The following CFAP100 variants were observed in gnomAD, a reference collection of about 807,000 sequenced individuals.
CFAP100 encodes cilia- and flagella-associated protein 100.
Under a neutral mutation model 81.5 loss-of-function variants are expected in CFAP100, and 70 were observed. That is an observed-to-expected ratio of 0.86 (90% CI 0.71 to 1.05). The LOEUF (loss-of-function observed/expected upper bound fraction) is 1.05, where lower values mean the gene tolerates loss of function less well. Among genes scored for constraint, CFAP100 ranks in the 50% least tolerant of loss-of-function variants. The pLI is 0.00. For synonymous variants in CFAP100, 341 were observed against 314.8 expected, an observed-to-expected ratio of 1.08 and a Z score of -0.88; for missense variants, 811 against 776.5, an observed-to-expected ratio of 1.04 and a Z score of -0.53.
intron 16 of CFAP100, among the ~76,000 whole-genome samples, chr3:126,435,946 A>G (rs1356234935): frequency 6.6e-6 from 1 of 151,032 alleles, no homozygotes; most frequent in Non-Finnish European, 1.5e-5. Context: ...CCCTACCCAC[A>G]CTCCGGCCAG....
Position 126,433,011 on chromosome 3 carries a change from C to A in CFAP100, c.1287-58C>A. ...CACTGTACAGACAGGCTCAGAGAAGCGATGTGCCCAGGGCTGTGCTGAGTG... is the reference window on the plus strand; with the variant it reads ...CACTGTACAGACAGGCTCAGAGAAGAGATGTGCCCAGGGCTGTGCTGAGTG... On this transcript the variant is annotated intron_variant, in intron 13 of 16. Coordinates refer to ENST00000352312, the MANE Select transcript of CFAP100 (RefSeq NM_182628.3). The A allele has an allele frequency of 6.9e-6, 11 of 1,595,524 alleles. No individual in the cohort carries two copies. The South Asian group carries it at 1.1e-4, about 16-fold the overall frequency.
chr3:126,427,156 G>A (rs1341526787), intron 13 of CFAP100, among the ~76,000 whole-genome samples: 1 of 152,202 alleles, frequency 6.6e-6, no homozygotes, highest in African/African-American at 2.4e-5. Context: ...AACTGATTCT[G>A]GAGTTTATAT....
chr3:126,419,383 T>G (rs2083293145), intron 8 of CFAP100, among the ~76,000 whole-genome samples: 1 of 152,208 alleles, frequency 6.6e-6, no homozygotes, highest in Non-Finnish European at 1.5e-5. Flanking sequence ...GCTCAAAGGC[T>G]TGCCCAGCTA....
chr3:126,416,601 T>A (rs931700680), intron 5 of CFAP100, 93 bp downstream of exon 5: 4 of 1,091,202 alleles, frequency 3.7e-6, no homozygotes, highest in Admixed American at 5.7e-5. Flanking sequence ...CCACTCATCT[T>A]GCACAGATGG....
At chr3:126,411,583 A>G (rs1044611515) in intron 3 of CFAP100, among the ~76,000 whole-genome samples, 11 of 151,790 alleles carry the variant, frequency 7.2e-5, no homozygotes, top group African/African-American at 2.7e-4. Flanking sequence ...TATGGATTCA[A>G]TCTCGCTACT....
At chr3:126,433,560 T>C in intron 14 of CFAP100, 1 of 246,320 alleles carries the variant, frequency 4.1e-6, no homozygotes, top group Admixed American at 5.1e-5. Flanking sequence ...GCCAGTGGTG[T>C]TCTGAGCAGC....
chr3:126,400,521 A>T (rs2082957035), intron 2 of CFAP100, among the ~76,000 whole-genome samples: 1 of 152,190 alleles, frequency 6.6e-6, no homozygotes, highest in Non-Finnish European at 1.5e-5. Flanking sequence ...CGGGAGGCCA[A>T]GGCGGGCGGA....
At position 126,407,242 on chromosome 3, in the gene CFAP100, A is replaced by G. The variant is rs2083078816; in HGVS notation, c.120A>G (p.Arg40=). 6.2e-7 allele frequency: 1 copy of G among 1,613,344 alleles called. No homozygotes were observed. The highest frequency in any genetic ancestry group is 1.3e-5 in the African/African-American group (1 of 74,930). Residue 40 remains arginine, a synonymous_variant, in exon 3 of 17, where the codon AGA becomes AGG. Transcript: ENST00000352312. The part of the protein sequence containing the change: ...STEENPKKQA[R]KNEEHGPDPS... Reference sequence around the variant, plus strand: ...AAGAGAACCCAAAGAAACAGGCAAGAAAAAACGAAGGTAACCTTCAAGCTG... The same window carrying G: ...AAGAGAACCCAAAGAAACAGGCAAGGAAAAACGAAGGTAACCTTCAAGCTG...
Position 126,416,492 on chromosome 3 carries a change from G to C in CFAP100, c.402G>C (p.Lys134Asn), listed in dbSNP as rs760175766. Reference protein sequence around the residue: ...QRAFRDYTTWKLTLTKEKNVE... With the variant: ...QRAFRDYTTWNLTLTKEKNVE... ...CCTTCCGCGACTACACGACCTGGAA[G>C]CTCACCTTGACCAAAGGTGCGTCCC... The change falls in exon 5 of 17, where the codon AAG becomes AAC. Residue 134 changes from lysine to asparagine, a missense_variant. Coordinates refer to ENST00000352312, the MANE Select transcript of CFAP100 (RefSeq NM_182628.3). The C allele has an allele frequency of 1.9e-6, 3 of 1,597,572 alleles. No individual in the cohort carries two copies. The East Asian group carries it at 6.8e-5, about 36-fold the overall frequency.
intron 13 of CFAP100, 199 bp from the exon 14 acceptor site, chr3:126,432,870 A>G (rs1220475804): frequency 2.2e-6 from 1 of 457,940 alleles, no homozygotes. Flanking sequence ...TTTAATGTTG[A>G]TTGTTAAATA....
intron 5 of CFAP100, among the ~76,000 whole-genome samples, chr3:126,417,792 G>C: frequency 6.6e-6 from 1 of 152,248 alleles, no homozygotes; most frequent in Non-Finnish European, 1.5e-5. Context: ...CTCCTGGAGA[G>C]GAAAGGGTGT....
intron 2 of CFAP100, among the ~76,000 whole-genome samples, chr3:126,398,687 A>G (rs559550598): frequency 6.6e-6 from 1 of 152,330 alleles, no homozygotes; most frequent in South Asian, 2.1e-4. Context: ...CATGATCTTC[A>G]GTAATCTAAC....
rs1282840681 is a variant in CFAP100 at position 126,436,358 on chromosome 3, C to T, written c.1790C>T (p.Thr597Ile). ...AHRIKQQSEHTLMDKEEEELL... is the reference protein window; with the variant it reads ...AHRIKQQSEHILMDKEEEELL... ...AGGATCAAACAACAGTCTGAGCACA[C>T]ACTGATGGACAAGGAGGAGGAGGAG... The change falls in exon 17 of 17, where the codon ACA becomes ATA. Residue 597 changes from threonine (T) to isoleucine (I), a missense_variant. Thr to Ile is a moderately conservative substitution (Grantham distance 89). Coordinates refer to ENST00000352312, the MANE Select transcript of CFAP100 (RefSeq NM_182628.3). 1 of 1,614,154 alleles carries T rather than the reference C, an allele frequency of 6.2e-7. No individual in the cohort carries two copies. Among genetic ancestry groups the T allele is most frequent in the South Asian group, 1.1e-5 (1 of 91,082 alleles).
At chr3:126,403,634 C>T (rs2083020968) in intron 2 of CFAP100, among the ~76,000 whole-genome samples, 1 of 152,110 alleles carries the variant, frequency 6.6e-6, no homozygotes, top group South Asian at 2.1e-4. Context: ...CCACCTTCCT[C>T]GGCCTCCCAA....
chr3:126,434,106 C>T lies in CFAP100; in HGVS notation c.1423-70C>T, dbSNP rs144973568. On this transcript the variant is annotated intron_variant, in intron 14 of 16. Coordinates refer to ENST00000352312, the MANE Select transcript of CFAP100 (RefSeq NM_182628.3). Reference sequence around the variant, plus strand: ...CCACCCTGGGAGGTCAGCAGGCCACCGCTGAAGGCACTGGCATGGGGGTGG... The same window carrying T: ...CCACCCTGGGAGGTCAGCAGGCCACTGCTGAAGGCACTGGCATGGGGGTGG... The T allele has an allele frequency of 1.3e-3, 1,761 of 1,405,124 alleles. 9 individuals are homozygous for T. In the Middle Eastern group the frequency reaches 0.02, roughly 16 times the overall value. The allele number at this position is 1,405,124 out of a possible 1,614,324, so 87.0% of individuals were successfully genotyped here.
At chr3:126,413,266 G>A (rs2083185135) in intron 3 of CFAP100, among the ~76,000 whole-genome samples, 1 of 152,184 alleles carries the variant, frequency 6.6e-6, no homozygotes, top group Non-Finnish European at 1.5e-5. Context: ...CCCCGCAGCT[G>A]TGCCAGGCTG....
chr3:126,400,595 T>C (rs1267584893), intron 2 of CFAP100, among the ~76,000 whole-genome samples: 3 of 151,806 alleles, frequency 2.0e-5, no homozygotes, highest in East Asian at 1.9e-4. Context: ...CTACTAAAAA[T>C]ACAAAAAATA....
At chr3:126,412,986 T>A (rs540499384) in intron 3 of CFAP100, among the ~76,000 whole-genome samples, 1 of 152,358 alleles carries the variant, frequency 6.6e-6, no homozygotes, top group East Asian at 1.9e-4. Flanking sequence ...GATGGGGACA[T>A]GGGATGGGCC....
Position 126,423,560 on chromosome 3 carries a change from AC to A in CFAP100, c.1204del (p.Leu402CysfsTer3). 6.2e-7 allele frequency: 1 copy of A among 1,614,048 alleles called. No individual in the cohort carries two copies. The highest frequency in any genetic ancestry group is 8.5e-7 in the Non-Finnish European group (1 of 1,179,962). ...GTCTTCCGAGAGCTGGAGGAGCAGA[AC>A]CTGTCGCTGATCCAGAACAGCCAGG... The part of the protein sequence containing the change: ...LDVFRELEEQ[N>X]LSLIQNSQET... On this transcript the variant is annotated frameshift_variant, in exon 13 of 17. Coordinates refer to ENST00000352312, the MANE Select transcript of CFAP100 (RefSeq NM_182628.3). LOFTEE classifies it high-confidence loss of function.
Sources: allele counts gnomAD v4.1 joint callset (sites outside exome capture counted in the v4.1 genomes callset), GRCh38; gene constraint gnomAD v4.1.1; transcripts MANE v1.5; gene names NCBI Gene and HGNC (gene_info 2026-07-23, HGNC 2026-07-21).